Variants in CLSTN1 observed in about 807,000 individuals in gnomAD.
CLSTN1 encodes calsyntenin-1.
CLSTN1 carries 28 observed loss-of-function variants against 108.3 expected under a neutral mutation model. The ratio of observed to expected loss-of-function variants is 0.26; its 90% CI spans 0.19 to 0.35. The LOEUF (loss-of-function observed/expected upper bound fraction) is 0.35, where lower values mean the gene tolerates loss of function less well. CLSTN1 is among the 10% of genes least tolerant of loss of function. CLSTN1 has a pLI of 1.00. For synonymous variants in CLSTN1, 524 were observed against 534.9 expected (o/e 0.98, Z 0.28); for missense variants, 1,157 against 1,302.6 (o/e 0.89, Z 1.72).
At chr1:9,802,545 T>C (rs1478648142) in intron 1 of CLSTN1, among the ~76,000 whole-genome samples, 6 of 152,204 alleles carry the variant, frequency 3.9e-5, no homozygotes, top group Admixed American at 3.9e-4. Context: ...TAATCTACTT[T>C]CCTGACTCAA....
intron 1 of CLSTN1, among the ~76,000 whole-genome samples, chr1:9,809,662 G>A (rs1036659700): frequency 6.6e-6 from 1 of 151,842 alleles, no homozygotes; most frequent in East Asian, 1.9e-4. Context: ...TAGCATTTTC[G>A]GAGGCCTGGG....
At chr1:9,762,870 G>C (rs1224854119) in intron 2 of CLSTN1, among the ~76,000 whole-genome samples, 1 of 152,196 alleles carries the variant, frequency 6.6e-6, no homozygotes, top group Admixed American at 6.5e-5. Flanking sequence ...CCCTGACGTT[G>C]GGTGACCTCT....
intron 16 of CLSTN1, 140 bp from the exon 17 acceptor site, chr1:9,732,036 G>A: frequency 4.0e-6 from 3 of 756,398 alleles, no homozygotes; most frequent in South Asian, 4.4e-5. Flanking sequence ...CGGAGCTACG[G>A]GAAAAGGACA....
chr1:9,800,887 C>T (rs553717621), intron 1 of CLSTN1, among the ~76,000 whole-genome samples: 5 of 151,612 alleles, frequency 3.3e-5, no homozygotes, highest in South Asian at 2.1e-4. Flanking sequence ...TGCAGTGAGC[C>T]GAGATTGCAC....
chr1:9,750,715 C>CAAAA (rs775430059), intron 5 of CLSTN1, among the ~76,000 whole-genome samples: 2 of 77,176 alleles, frequency 2.6e-5, no homozygotes, highest in African/African-American at 4.3e-5. Flanking sequence ...TTCCCTCAAA[C>CAAAA]AAAAAAAAAA....
In CLSTN1 at chr1:9,773,352, A is replaced by G; in HGVS notation, c.134T>C (p.Ile45Thr). ...CACGGTGTTGTCGTTCTCTGTGACTATGCCGTGGTAGGTGGGCTCCAGCCA... is the reference window on the plus strand; with the variant it reads ...CACGGTGTTGTCGTTCTCTGTGACTGTGCCGTGGTAGGTGGGCTCCAGCCA... ...KPWLEPTYHG[I>T]VTENDNTVLL... Residue 45 changes from isoleucine to threonine, a missense_variant, in exon 2 of 19, where the codon ATA becomes ACA. Physicochemically the swap from Ile to Thr is moderately conservative, Grantham distance 89. Coordinates refer to ENST00000377298, the MANE Select transcript of CLSTN1 (RefSeq NM_001009566.3). 5 of 1,614,082 alleles carry G rather than the reference A, an allele frequency of 3.1e-6. No homozygotes were observed. Among genetic ancestry groups the G allele is most frequent in the Non-Finnish European group, 4.2e-6 (5 of 1,179,978 alleles).
At chr1:9,803,573 T>C (rs1242613627) in intron 1 of CLSTN1, among the ~76,000 whole-genome samples, 1 of 151,794 alleles carries the variant, frequency 6.6e-6, no homozygotes, top group Admixed American at 6.6e-5. Flanking sequence ...GAGGCCAATG[T>C]GGGCAGATAA....
chr1:9,804,619 C>A (rs1036973477), intron 1 of CLSTN1, among the ~76,000 whole-genome samples: 4 of 151,986 alleles, frequency 2.6e-5, no homozygotes, highest in Admixed American at 2.6e-4. Flanking sequence ...CCAAGGTGGG[C>A]GGATCACTTG....
At chr1:9,781,813 G>T (rs907710882) in intron 1 of CLSTN1, among the ~76,000 whole-genome samples, 6 of 152,000 alleles carry the variant, frequency 3.9e-5, no homozygotes, top group African/African-American at 1.4e-4. Flanking sequence ...TTTATTTATA[G>T]CTTTGATAGC....
chr1:9,735,832 G>A, intron 12 of CLSTN1, 53 bp downstream of exon 12: 1 of 1,603,790 alleles, frequency 6.2e-7, no homozygotes, highest in Non-Finnish European at 8.5e-7. Flanking sequence ...CAGCCTCCGG[G>A]GCTGTAGTCT....
intron 2 of CLSTN1, among the ~76,000 whole-genome samples, chr1:9,766,225 TAGA>T (rs1319404900): frequency 2.0e-5 from 3 of 151,936 alleles, no homozygotes; most frequent in African/African-American, 4.8e-5. Context: ...CACCACCTCC[TAGA>T]AGGAGGAGCT....
rs768991291 is a variant in CLSTN1 at position 9,789,807 on chromosome 1, G to A, written c.92-16413C>T. 3.3e-5 allele frequency among the ~76,000 whole-genome samples: 5 copies of A among 151,138 alleles called. 1 individual carries two copies. Among genetic ancestry groups the A allele is most frequent in the Admixed American group, 1.3e-4 (2 of 14,838 alleles). The stretch of plus-strand genomic sequence containing the variant: ...CAGCTAAGGCAACATGGCGAAACCC[G>A]TCTCTAGTAAAAAATACAAAAATTA... On this transcript the variant is annotated intron_variant, in intron 1 of 18. Coordinates refer to ENST00000377298, the MANE Select transcript of CLSTN1 (RefSeq NM_001009566.3).
intron 7 of CLSTN1, among the ~76,000 whole-genome samples, chr1:9,745,719 C>T (rs1340285286): frequency 6.6e-6 from 1 of 150,890 alleles, no homozygotes; most frequent in Non-Finnish European, 1.5e-5. Flanking sequence ...CATATATATT[C>T]CTAGCAATAT....
intron 1 of CLSTN1, among the ~76,000 whole-genome samples, chr1:9,822,806 A>T (rs944952204): frequency 1.2e-4 from 18 of 152,190 alleles, no homozygotes; most frequent in South Asian, 2.1e-4. Flanking sequence ...GCCATAAAAT[A>T]ATTTCGGTCC....
At chr1:9,742,662 A>G (rs1651040426) in intron 9 of CLSTN1, among the ~76,000 whole-genome samples, 1 of 152,216 alleles carries the variant, frequency 6.6e-6, no homozygotes, top group Non-Finnish European at 1.5e-5. Context: ...TCTGAGAAAT[A>G]ATCACTCACA....
chr1:9,764,667 T>A (rs1652240860), intron 2 of CLSTN1, among the ~76,000 whole-genome samples: 1 of 146,204 alleles, frequency 6.8e-6, no homozygotes, highest in African/African-American at 2.5e-5. Flanking sequence ...AAAAAAAAGT[T>A]TCCACATGAG....
intron 7 of CLSTN1, 29 bp from the exon 8 acceptor site, chr1:9,744,672 T>G (rs77387610): frequency 1.3e-6 from 2 of 1,587,158 alleles, no homozygotes; most frequent in African/African-American, 1.3e-5. Flanking sequence ...GTGAAACTCA[T>G]GTGAGGAGCC....
intron 13 of CLSTN1, 35 bp from the exon 14 acceptor site, chr1:9,735,209 G>C: frequency 1.2e-6 from 2 of 1,607,080 alleles, no homozygotes; most frequent in Non-Finnish European, 1.7e-6. Context: ...TCAGGGCTTT[G>C]GGAGCCGATC....
chr1:9,742,718 ACCAAAATGGTGGAACCCCATCT>A (rs1651043242), intron 9 of CLSTN1, among the ~76,000 whole-genome samples: 1 of 152,152 alleles, frequency 6.6e-6, no homozygotes, highest in Non-Finnish European at 1.5e-5. Context: ...ACCCAGCCTG[ACCAAAATGGTGGAACCCCATCT>A]CTACTAAAAA....
Sources: gnomAD v4.1 joint callset for allele counts (sites outside exome capture counted in the v4.1 genomes callset) on GRCh38, gnomAD v4.1.1 for gene constraint, MANE v1.5 for transcripts, NCBI Gene and HGNC (gene_info 2026-07-23, HGNC 2026-07-21) for gene names.